The following SPOCK3 variants were observed in gnomAD, a reference collection of about 807,000 sequenced individuals.
The protein encoded by SPOCK3 is SPARC (osteonectin), cwcv and kazal like domains proteoglycan 3.
SPOCK3 carries 30 observed loss-of-function variants against 56.6 expected under a neutral mutation model. The observed-to-expected ratio is 0.53, with a 90% CI of 0.40 to 0.72. The LOEUF (loss-of-function observed/expected upper bound fraction) is 0.72. Ranked by LOEUF, SPOCK3 falls within the 30% of genes least tolerant of loss-of-function variation. SPOCK3 has a pLI of 0.00. For missense variants in SPOCK3, 527 were observed against 530.0 expected, an observed-to-expected ratio of 0.99 and a Z score of 0.06; for synonymous variants, 196 against 183.3, an observed-to-expected ratio of 1.07 and a Z score of -0.56.
At chr4:166,781,134 T>C (rs1285474632) in intron 7 of SPOCK3, among the ~76,000 whole-genome samples, 1 of 152,138 alleles carries the variant, frequency 6.6e-6, no homozygotes, top group African/African-American at 2.4e-5. Context: ...TTCTACACAA[T>C]ATATCCAGTT....
At chr4:167,146,375 C>T (rs1290853799) in intron 2 of SPOCK3, among the ~76,000 whole-genome samples, 1 of 152,034 alleles carries the variant, frequency 6.6e-6, no homozygotes, top group Non-Finnish European at 1.5e-5. Context: ...GACTTTAACG[C>T]CTCACTGTCA....
intron 2 of SPOCK3, among the ~76,000 whole-genome samples, chr4:167,110,004 AC>A (rs569390805): frequency 1.6e-4 from 24 of 151,830 alleles, no homozygotes; most frequent in African/African-American, 4.8e-4. Flanking sequence ...TAAACACACA[AC>A]TCCCTGATGC....
chr4:166,923,598 G>A (rs1738742198), intron 4 of SPOCK3, among the ~76,000 whole-genome samples: 2 of 152,066 alleles, frequency 1.3e-5, no homozygotes. Flanking sequence ...ATGGAAAAAC[G>A]TATGGTCCAT....
At chr4:166,848,471 T>C (rs974720402) in intron 6 of SPOCK3, among the ~76,000 whole-genome samples, 3 of 152,160 alleles carry the variant, frequency 2.0e-5, no homozygotes, top group African/African-American at 7.2e-5. Flanking sequence ...TGTAGAGAAA[T>C]GGTCAATAAG....
chr4:166,839,108 T>G (rs1468879893), intron 6 of SPOCK3, among the ~76,000 whole-genome samples: 1 of 152,172 alleles, frequency 6.6e-6, no homozygotes, highest in Non-Finnish European at 1.5e-5. Flanking sequence ...TTTGGGGTAC[T>G]AATTTGTAAG....
At chr4:167,183,552 TAAAA>T (rs752374775) in intron 2 of SPOCK3, among the ~76,000 whole-genome samples, 1 of 151,984 alleles carries the variant, frequency 6.6e-6, no homozygotes, top group African/African-American at 2.4e-5. Context: ...GCTTTCATGA[TAAAA>T]AAAGAGTCTG....
chr4:166,968,367 G>A (rs1038408005), intron 4 of SPOCK3, among the ~76,000 whole-genome samples: 3 of 152,144 alleles, frequency 2.0e-5, no homozygotes, highest in Admixed American at 6.6e-5. Context: ...AGAGACCTTC[G>A]TGGCAGCCTC....
intron 4 of SPOCK3, among the ~76,000 whole-genome samples, chr4:166,976,087 C>T (rs900090851): frequency 5.3e-5 from 8 of 151,890 alleles, no homozygotes; most frequent in Admixed American, 3.9e-4. Flanking sequence ...GTCTATTCAA[C>T]CCCTACATAC....
Position 167,119,829 on chromosome 4 carries a change from G to C in SPOCK3, c.190-57292C>G, listed in dbSNP as rs959172111. The C allele has an allele frequency of 4.0e-5, 62 of 1,534,172 alleles. No individual in the cohort carries two copies. In the African/African-American group the frequency reaches 6.2e-4, roughly 15 times the overall value. ...CCAGAAGACATGTGGATGTGATCTT[G>C]TGTGATCATCACTACTGTCCTGTCA... On this transcript the variant is annotated intron_variant, in intron 2 of 10. Transcript: ENST00000357545.
In SPOCK3 at chr4:166,993,245, A is replaced by G. The variant is rs182781222; in HGVS notation, c.350+7104T>C. Among the ~76,000 whole-genome samples the G allele has an allele frequency of 4.1e-4, 62 of 152,238 alleles. No individual in the cohort carries two copies. The East Asian group carries it at 0.01, about 26-fold the overall frequency. ...CCTTTAGGCCCAGTGGAGAAATAAA[A>G]TCTCTCTGACAGGACATGCAAGGGC... On this transcript the variant is annotated intron_variant, in intron 4 of 10. Transcript: ENST00000357545.
At chr4:167,045,997 T>A (rs1301547594) in intron 3 of SPOCK3, among the ~76,000 whole-genome samples, 1 of 152,250 alleles carries the variant, frequency 6.6e-6, no homozygotes, top group African/African-American at 2.4e-5. Context: ...GTATGTCTAC[T>A]GGCAACAAAT....
intron 6 of SPOCK3, among the ~76,000 whole-genome samples, chr4:166,819,723 T>C (rs1031371350): frequency 8.6e-5 from 13 of 151,168 alleles, no homozygotes; most frequent in Non-Finnish European, 1.5e-4. Context: ...AATTGAGAGA[T>C]ACCACATTCA....
intron 4 of SPOCK3, among the ~76,000 whole-genome samples, chr4:166,949,955 C>T (rs867412149): frequency 6.6e-6 from 1 of 151,036 alleles, no homozygotes; most frequent in African/African-American, 2.5e-5. Flanking sequence ...TGCAAAGGAA[C>T]AATCGGTACC....
chr4:167,052,991 G>C (rs1427633), intron 3 of SPOCK3, among the ~76,000 whole-genome samples: 81,490 of 151,898 alleles, frequency 0.54, 23,034 homozygotes, highest in East Asian at 0.8. Flanking sequence ...TTCACTGAAG[G>C]GAATAAAAGC....
At chr4:167,161,179 A>C (rs1367942949) in intron 2 of SPOCK3, among the ~76,000 whole-genome samples, 1 of 152,174 alleles carries the variant, frequency 6.6e-6, no homozygotes, top group Admixed American at 6.6e-5. Flanking sequence ...TCTACAAAGA[A>C]CTCAAACAAA....
intron 6 of SPOCK3, among the ~76,000 whole-genome samples, chr4:166,852,741 A>C (rs1730258082): frequency 6.6e-6 from 1 of 152,186 alleles, no homozygotes; most frequent in Non-Finnish European, 1.5e-5. Context: ...CCCTTTCCAA[A>C]TCTAGGAACT....
At chr4:167,186,516 A>G (rs1173775820) in intron 2 of SPOCK3, among the ~76,000 whole-genome samples, 2 of 151,406 alleles carry the variant, frequency 1.3e-5, no homozygotes, top group African/African-American at 4.9e-5. Flanking sequence ...AATCCCAGCT[A>G]CTTGGGAAGC....
At chr4:167,138,126 A>G (rs1365757667) in intron 2 of SPOCK3, among the ~76,000 whole-genome samples, 1 of 151,740 alleles carries the variant, frequency 6.6e-6, no homozygotes, top group Non-Finnish European at 1.5e-5. Context: ...TTATTGAGTG[A>G]TGTTAGATAA....
chr4:167,200,859 G>A (rs888917717), intron 2 of SPOCK3, among the ~76,000 whole-genome samples: 7 of 152,036 alleles, frequency 4.6e-5, no homozygotes, highest in Admixed American at 6.6e-5. Context: ...GAAAGAAAGT[G>A]TATCCTTTTG....
Sources: gnomAD v4.1 joint callset for allele counts (sites outside exome capture counted in the v4.1 genomes callset) on GRCh38, gnomAD v4.1.1 for gene constraint, MANE v1.5 for transcripts, NCBI Gene and HGNC (gene_info 2026-07-23, HGNC 2026-07-21) for gene names.